ZGRF1: variants seen among roughly 807,000 people sequenced by gnomAD.
ZGRF1 encodes zinc finger GRF-type containing 1, also known as 5'-3' DNA helicase ZGRF1.
ZGRF1 carries 196 observed loss-of-function variants against 203.5 expected under a neutral mutation model. That is an observed-to-expected ratio of 0.96 (90% CI 0.86 to 1.08). The LOEUF (loss-of-function observed/expected upper bound fraction) is 1.08. Among genes scored for constraint, ZGRF1 ranks in the 50% least tolerant of loss-of-function variants. The pLI is 0.00. For missense variants in ZGRF1, 2,326 were observed against 2,416.3 expected, an observed-to-expected ratio of 0.96 and a Z score of 0.78; for synonymous variants, 809 against 841.3, an observed-to-expected ratio of 0.96 and a Z score of 0.66.
chr4:112,633,575 T>A (rs994648543), intron 1 of ZGRF1, among the ~76,000 whole-genome samples: 5 of 152,246 alleles, frequency 3.3e-5, no homozygotes, highest in Non-Finnish European at 5.9e-5. Flanking sequence ...ATTCAATTTT[T>A]AAAGTTTTCT....
chr4:112,561,121 C>T, intron 18 of ZGRF1, 126 bp from the exon 19 acceptor site: 1 of 723,288 alleles, frequency 1.4e-6, no homozygotes, highest in Non-Finnish European at 2.3e-6. Flanking sequence ...TGGAAATAAA[C>T]AGTAAGTGGA....
At chr4:112,617,402 A>G in intron 6 of ZGRF1, 38 bp downstream of exon 6, 5 of 1,434,906 alleles carry the variant, frequency 3.5e-6, no homozygotes, top group Non-Finnish European at 4.7e-6. Context: ...TCAAAGACCT[A>G]TAAAGAAAAC....
intron 24 of ZGRF1, among the ~76,000 whole-genome samples, chr4:112,541,534 G>GTTTTTTTTTTTTTT (rs35774230): frequency 7.4e-6 from 1 of 135,278 alleles, no homozygotes; most frequent in African/African-American, 2.7e-5. Context: ...TTTTTGTTTT[G>GTTTTTTTTTTTTTT]TTTTTTTTTT....
At chr4:112,562,990 T>C in intron 17 of ZGRF1, 141 bp downstream of exon 17, 1 of 552,902 alleles carries the variant, frequency 1.8e-6, no homozygotes. Context: ...TATATTCAAC[T>C]TCATACACAT....
intron 22 of ZGRF1, among the ~76,000 whole-genome samples, chr4:112,552,554 T>G (rs914875606): frequency 2.0e-5 from 3 of 152,208 alleles, no homozygotes; most frequent in Non-Finnish European, 4.4e-5. Context: ...ATGACTAATT[T>G]GTATTAATTG....
In ZGRF1 at chr4:112,548,889, C is replaced by A. The variant is rs1578674102; in HGVS notation, c.5347-509G>T. 7.9e-5 allele frequency among the ~76,000 whole-genome samples: 2 copies of A among 25,328 alleles called. 1 individual carries two copies. Among genetic ancestry groups the A allele is most frequent in the African/African-American group, 3.2e-4 (2 of 6,288 alleles). 16.6% of individuals were successfully genotyped at this position (25,328 alleles called of 152,430 possible). Reference sequence around the variant, plus strand: ...CAGCACTTTGGGAGGCCGAGGCGGGCGGATCACGAGGTCAGGAGATCGAGA... The same window carrying A: ...CAGCACTTTGGGAGGCCGAGGCGGGAGGATCACGAGGTCAGGAGATCGAGA... On this transcript the variant is annotated intron_variant, in intron 22 of 27. Transcript: ENST00000505019.
intron 10 of ZGRF1, among the ~76,000 whole-genome samples, chr4:112,599,539 G>GC (rs1749588869): frequency 6.7e-6 from 1 of 150,314 alleles, no homozygotes; most frequent in African/African-American, 2.4e-5. Flanking sequence ...TGGCAATATA[G>GC]CAAGACCCTG....
Position 112,620,110 on chromosome 4 carries a change from A to G in ZGRF1, c.243T>C (p.Ile81=). 6.2e-7 allele frequency: 1 copy of G among 1,613,652 alleles called. No individual in the cohort carries two copies. Among genetic ancestry groups the G allele is most frequent in the Non-Finnish European group, 8.5e-7 (1 of 1,179,700 alleles). ...CTTCTTTATTGACATTCTGCTTAAC[A>G]ATACCTATGGCTCCAGCAACTTTAA... ...EEVKVAGAIG[I]VKQNVNKEAP... is the part of the protein sequence containing the mutation. The change falls in exon 5 of 28, where the codon ATT becomes ATC. Residue 81 remains isoleucine (I), a synonymous_variant. Transcript: ENST00000505019.
At chr4:112,636,322 A>AAT (rs1216894012) in intron 1 of ZGRF1, among the ~76,000 whole-genome samples, 2 of 152,226 alleles carry the variant, frequency 1.3e-5, no homozygotes, top group African/African-American at 4.8e-5. Context: ...GTACGGACGC[A>AAT]ATATATATAC....
rs1243472807 is a variant in ZGRF1 at position 112,540,864 on chromosome 4, G to A, written c.5867C>T (p.Ser1956Phe). 3.8e-6 allele frequency: 6 copies of A among 1,594,222 alleles called. No individual in the cohort carries two copies. The highest frequency in any genetic ancestry group is 2.3e-5 in the East Asian group (1 of 44,312). The change falls in exon 26 of 28, where the codon TCT becomes TTT. Residue 1956 changes from serine to phenylalanine, a missense_variant. By Grantham distance (155) the Ser-to-Phe change is radical. Coordinates refer to ENST00000505019, the MANE Select transcript of ZGRF1 (RefSeq NM_018392.5). ...GTATAATGTTATCACACCAATCATA[G>A]AGCCTGCTATTCCACTTGCAATCAG... ...QSLIASGIAGSMIGVITLYKS... is the reference protein window; with the variant it reads ...QSLIASGIAGFMIGVITLYKS...
intron 2 of ZGRF1, 68 bp downstream of exon 2, chr4:112,633,088 A>T (rs1156866966): frequency 7.2e-7 from 1 of 1,387,564 alleles, no homozygotes; most frequent in African/African-American, 1.4e-5. Flanking sequence ...GATGTTTGTG[A>T]AACGCCTTTA....
At position 112,620,109 on chromosome 4, in the gene ZGRF1, C is replaced by T. The variant is rs2047015778; in HGVS notation, c.244G>A (p.Val82Ile). ...GCTTCTTTATTGACATTCTGCTTAACAATACCTATGGCTCCAGCAACTTTA... is the reference window on the plus strand; with the variant it reads ...GCTTCTTTATTGACATTCTGCTTAATAATACCTATGGCTCCAGCAACTTTA... ...EVKVAGAIGI[V>I]KQNVNKEAPE... Residue 82 changes from valine to isoleucine, a missense_variant, in exon 5 of 28, where the codon GTT (valine) becomes ATT (isoleucine). Physicochemically the swap from Val to Ile is conservative, Grantham distance 29. Transcript: ENST00000505019. 1.2e-6 allele frequency: 2 copies of T among 1,613,618 alleles called. No homozygotes were observed. The highest frequency in any genetic ancestry group is 1.7e-6 in the Non-Finnish European group (2 of 1,179,700).
intron 16 of ZGRF1, among the ~76,000 whole-genome samples, chr4:112,569,670 T>C (rs965613955): frequency 6.6e-6 from 1 of 152,190 alleles, no homozygotes; most frequent in African/African-American, 2.4e-5. Context: ...TTAAAAAGCA[T>C]AGTAAAATTA....
At chr4:112,612,705 T>C in intron 6 of ZGRF1, 117 bp from the exon 7 acceptor site, 1 of 604,766 alleles carries the variant, frequency 1.7e-6, no homozygotes, top group South Asian at 2.3e-5. Flanking sequence ...TCAGACAATC[T>C]TGGTAATTGT....
chr4:112,558,343 C>A, intron 19 of ZGRF1, 34 bp from the exon 20 acceptor site: 1 of 1,428,232 alleles, frequency 7.0e-7, no homozygotes, highest in Non-Finnish European at 9.2e-7. Context: ...AAATAAAAAG[C>A]ATAAAATAAA....
chr4:112,612,053 C>T (rs930562680), intron 7 of ZGRF1, among the ~76,000 whole-genome samples: 2 of 151,894 alleles, frequency 1.3e-5, no homozygotes, highest in Non-Finnish European at 2.9e-5. Context: ...GCAACCTCCG[C>T]CTCCTGGGTT....
chr4:112,560,841 C>G lies in ZGRF1; in HGVS notation c.4852G>C (p.Asp1618His), dbSNP rs758278956. 1.9e-6 allele frequency: 3 copies of G among 1,613,632 alleles called. No individual in the cohort carries two copies. The highest frequency in any genetic ancestry group is 2.5e-6 in the Non-Finnish European group (3 of 1,179,666). Residue 1618 changes from aspartate (D) to histidine (H), a missense_variant, in exon 19 of 28, where the codon GAT (aspartate) becomes CAT (histidine). Physicochemically the swap from Asp to His is moderately conservative, Grantham distance 81. Transcript: ENST00000505019. ...ATTTGAATTAGAGCTGTAGCTTGAT[C>G]CTTGTTTAACTTGTGTACCTGAATC... ...ELIQVHKLNK[D>H]QATALIQIAQ...
chr4:112,628,296 T>C (rs1331772902), intron 3 of ZGRF1, among the ~76,000 whole-genome samples: 2 of 152,166 alleles, frequency 1.3e-5, no homozygotes, highest in Non-Finnish European at 2.9e-5. Flanking sequence ...GAAGCATCAT[T>C]TTCCCCATTT....
intron 16 of ZGRF1, chr4:112,564,906 C>T (rs558146242): frequency 3.1e-5 from 21 of 672,550 alleles, no homozygotes; most frequent in African/African-American, 2.7e-4. Context: ...GCGCCGCCGT[C>T]GCTCTCCAAC....
Sources: allele counts gnomAD v4.1 joint callset (sites outside exome capture counted in the v4.1 genomes callset), GRCh38; gene constraint gnomAD v4.1.1; transcripts MANE v1.5; gene names NCBI Gene and HGNC (gene_info 2026-07-23, HGNC 2026-07-21).